Variants in DMBT1 observed in about 807,000 individuals in gnomAD.
The protein encoded by DMBT1 is deleted in malignant brain tumors 1.
A neutral mutation model predicts 252.9 loss-of-function variants in DMBT1; 198 were observed. The observed-to-expected ratio is 0.78, with a 90% confidence interval of 0.70 to 0.88. DMBT1 has a LOEUF of 0.88. Ranked by LOEUF, DMBT1 falls within the 40% of genes least tolerant of loss-of-function variation. The pLI is 0.00. For synonymous variants in DMBT1, 990 were observed against 942.7 expected (o/e 1.05, Z -0.92); for missense variants, 2,432 against 2,404.7 (o/e 1.01, Z -0.24).
At chr10:122,580,787 A>C in intron 10 of DMBT1, 79 bp from the exon 11 acceptor site, 1 of 1,556,032 alleles carries the variant, frequency 6.4e-7, no homozygotes, top group Non-Finnish European at 8.9e-7. Context: ...AGACTCGCTC[A>C]TTTCTTTCCC....
chr10:122,643,357 C>T lies in DMBT1; in HGVS notation c.7588C>T (p.Gln2530Ter), dbSNP rs778550174. Residue 2530 changes from glutamine to a stop codon, truncating the protein, a stop_gained, in exon 56 of 56, where the codon CAG (glutamine) becomes TAG (stop). Coordinates refer to ENST00000338354, the MANE Select transcript of DMBT1 (RefSeq NM_001377530.1). LOFTEE classifies it low-confidence loss of function (END_TRUNC). ...GGTGGACGTCGTCCTGGGTCCCATCCAGCTGCAGACCCCCCCACGCCGAGA... is the reference window on the plus strand; with the variant it reads ...GGTGGACGTCGTCCTGGGTCCCATCTAGCTGCAGACCCCCCCACGCCGAGA... ...EKVDVVLGPI[Q>*]LQTPPRREEE... The T allele has an allele frequency of 2.5e-6, 4 of 1,613,918 alleles. No homozygotes were observed. Among genetic ancestry groups the T allele is most frequent in the Non-Finnish European group, 3.4e-6 (4 of 1,179,876 alleles).
intron 44 of DMBT1, among the ~76,000 whole-genome samples, chr10:122,624,511 G>A (rs1309017707): frequency 6.6e-6 from 1 of 152,174 alleles, no homozygotes; most frequent in Non-Finnish European, 1.5e-5. Flanking sequence ...ACAGGAGAGA[G>A]TTAATTTTCC....
chr10:122,620,601 G>A (rs1340848788), intron 43 of DMBT1, among the ~76,000 whole-genome samples: 1 of 152,222 alleles, frequency 6.6e-6, no homozygotes, highest in African/African-American at 2.4e-5. Context: ...CAGGCCACAG[G>A]CTGCAGACCT....
rs575504614 is a variant in DMBT1, at chr10:122,599,919, G to A, written c.3281-145G>A. 527 of 1,229,490 alleles carry A rather than the reference G, an allele frequency of 4.3e-4. 6 individuals are homozygous for A. The highest frequency in any genetic ancestry group is 4.1e-3 in the South Asian group (320 of 78,084). The allele number at this position is 1,229,490 out of a possible 1,614,324, so 76.2% of individuals were successfully genotyped here. A position where few individuals can be genotyped will look rare whatever the true frequency, so the allele number is the denominator to read the frequency against. ...CCCCTTACATGGTGCATCTCTGTGGGGATGTGCATGGCAATGCCCCTCCCT... is the reference window on the plus strand; with the variant it reads ...CCCCTTACATGGTGCATCTCTGTGGAGATGTGCATGGCAATGCCCCTCCCT... On this transcript the variant is annotated intron_variant, in intron 26 of 55. Transcript: ENST00000338354.
At chr10:122,586,529 G>T in intron 16 of DMBT1, 146 bp downstream of exon 16, 2 of 1,338,798 alleles carry the variant, frequency 1.5e-6, no homozygotes, top group Non-Finnish European at 2.0e-6. Context: ...GAAACCGCAT[G>T]AGTCTTCACC....
At chr10:122,634,447 T>TCTCA (rs2098205197) in intron 52 of DMBT1, among the ~76,000 whole-genome samples, 1 of 74,832 alleles carries the variant, frequency 1.3e-5, no homozygotes, top group Non-Finnish European at 2.3e-5. Flanking sequence ...TCTCTCTCTC[T>TCTCA]CTCTCTCTCT....
chr10:122,566,103 T>C, intron 2 of DMBT1, 107 bp downstream of exon 2: 1 of 1,248,932 alleles, frequency 8.0e-7, no homozygotes, highest in East Asian at 2.4e-5. Flanking sequence ...AGCAAACGCC[T>C]GCCTTGTCGA....
chr10:122,625,346 A>T lies in DMBT1; in HGVS notation c.5635+43A>T, dbSNP rs189054854. On this transcript the variant is annotated intron_variant, in intron 45 of 55. Transcript: ENST00000338354. ...CAGTCCAGCAATATTTCTCTTGGGA[A>T]TTCCACCCTCTCTTGTTTCCAGAAG... is the stretch of plus-strand genomic sequence containing the variant. The T allele has an allele frequency of 5.1e-5, 80 of 1,577,000 alleles. No individual in the cohort carries two copies. In the East Asian group the frequency reaches 9.6e-4, roughly 19 times the overall value.
At position 122,598,990 on chromosome 10, in the gene DMBT1, A is replaced by G; in HGVS notation, c.3173A>G (p.Asp1058Gly). The change falls in exon 26 of 56, where the codon GAT (aspartate) becomes GGT (glycine). Residue 1058 changes from aspartate (D) to glycine (G), a missense_variant. Physicochemically the swap from Asp to Gly is moderately conservative, Grantham distance 94 (BLOSUM62 -1). Around this residue, in one of 3 missense-constraint regions of DMBT1, gnomAD observed 1,264 missense variants for 1,082.2 expected, o/e 1.17. Transcript: ENST00000338354. ...CAGGGCTCAGGACCCATTGTCCTGGATGATGTGCGCTGCTCAGGACACGAG... is the reference window on the plus strand; with the variant it reads ...CAGGGCTCAGGACCCATTGTCCTGGGTGATGTGCGCTGCTCAGGACACGAG... ...FGQGSGPIVL[D>G]DVRCSGHESY... 6.2e-7 allele frequency: 1 copy of G among 1,613,686 alleles called. No individual in the cohort carries two copies. The highest frequency in any genetic ancestry group is 8.5e-7 in the Non-Finnish European group (1 of 1,179,710).
chr10:122,566,943 G>A (rs557045051), intron 2 of DMBT1, among the ~76,000 whole-genome samples: 1 of 152,318 alleles, frequency 6.6e-6, no homozygotes, highest in African/African-American at 2.4e-5. Flanking sequence ...AGAGATTTGA[G>A]GCTAGGATGG....
Position 122,632,898 on chromosome 10 carries a change from C to T in DMBT1, c.6397+8C>T. The T allele has an allele frequency of 6.2e-7, 1 of 1,613,894 alleles. No individual in the cohort carries two copies. Among genetic ancestry groups the T allele is most frequent in the Non-Finnish European group, 8.5e-7 (1 of 1,179,856 alleles). On this transcript the variant is annotated splice_region_variant and intron_variant, in intron 51 of 55. Coordinates refer to ENST00000338354, the MANE Select transcript of DMBT1 (RefSeq NM_001377530.1). Reference sequence around the variant, plus strand: ...ACATCACCCGTCCAAACAGTAAGTTCTGAGCTCCCTGACAAGTCTGTGGCA... The same window carrying T: ...ACATCACCCGTCCAAACAGTAAGTTTTGAGCTCCCTGACAAGTCTGTGGCA...
intron 4 of DMBT1, among the ~76,000 whole-genome samples, chr10:122,571,433 G>A (rs1271849778): frequency 1.3e-5 from 2 of 152,208 alleles, no homozygotes; most frequent in Middle Eastern, 3.4e-3. Context: ...TGGAGGATGG[G>A]GGAACTGCTG....
In DMBT1 at chr10:122,621,096, G is replaced by A; in HGVS notation, c.5324G>A (p.Gly1775Asp). ...SSLALRLVNG[G>D]DRCRGRVEVL... is the part of the protein sequence containing the mutation. ...TTGGCTCTGAGGCTGGTGAATGGAG[G>A]TGACAGGTGTCGAGGCCGAGTGGAG... Residue 1775 changes from glycine to aspartate, a missense_variant, in exon 44 of 56, where the codon GGT becomes GAT. Around this residue, in one of 3 missense-constraint regions of DMBT1, gnomAD observed 1,162 missense variants for 1,169.0 expected, o/e 0.99. Transcript: ENST00000338354. 6.2e-7 allele frequency: 1 copy of A among 1,613,576 alleles called. No homozygotes were observed. Among genetic ancestry groups the A allele is most frequent in the East Asian group, 2.2e-5 (1 of 44,890 alleles).
Position 122,589,045 on chromosome 10 carries a change from G to A in DMBT1, c.1885G>A (p.Asp629Asn). ...YRGSWGTVCD[D>N]SWDTNDANVV... ...AGGCTCTTGGGGCACCGTGTGTGAT[G>A]ACAGCTGGGACACCAATGATGCCAA... The change falls in exon 17 of 56, where the codon GAC (aspartate) becomes AAC (asparagine). Residue 629 changes from aspartate (D) to asparagine (N), a missense_variant. Transcript: ENST00000338354. The A allele has an allele frequency of 6.3e-7, 1 of 1,588,936 alleles. No individual in the cohort carries two copies. Among genetic ancestry groups the A allele is most frequent in the South Asian group, 1.2e-5 (1 of 86,940 alleles).
At chr10:122,593,515 T>C in intron 20 of DMBT1, 54 bp from the exon 21 acceptor site, 1 of 1,564,226 alleles carries the variant, frequency 6.4e-7, no homozygotes, top group Non-Finnish European at 8.7e-7. Flanking sequence ...CGTTCCAGTT[T>C]TGCCGACTTC....
At position 122,632,940 on chromosome 10, in the gene DMBT1, C is replaced by A. The variant is rs530413062; in HGVS notation, c.6397+50C>A. The A allele has an allele frequency of 1.1e-5, 18 of 1,611,144 alleles. No individual in the cohort carries two copies. The East Asian group carries it at 4.0e-4, about 36-fold the overall frequency. On this transcript the variant is annotated intron_variant, in intron 51 of 55. Coordinates refer to ENST00000338354, the MANE Select transcript of DMBT1 (RefSeq NM_001377530.1). ...TCTGTGGCAGAGTGGCCTGGAAATT[C>A]CCCTTCCCATTTCCTCAGTGACAAT...
At position 122,639,973 on chromosome 10, in the gene DMBT1, A is replaced by G. The variant is rs971835447; in HGVS notation, c.6943-67A>G. On this transcript the variant is annotated intron_variant, in intron 54 of 55. Coordinates refer to ENST00000338354, the MANE Select transcript of DMBT1 (RefSeq NM_001377530.1). ...TCACGTCCCTCTCATTCACACCCAA[A>G]TCAGCTATGGGATTCCCTTAGCAGG... The G allele has an allele frequency of 9.7e-6, 15 of 1,547,904 alleles. No individual in the cohort carries two copies. In the African/African-American group the frequency reaches 1.9e-4, roughly 20 times the overall value.
chr10:122,570,125 G>A lies in DMBT1; in HGVS notation c.92-37G>A, dbSNP rs1218704341. On this transcript the variant is annotated intron_variant, in intron 2 of 55. Transcript: ENST00000338354. ...AGGGACCAGCCCTCCCCAAGCAAGG[G>A]CTACCATCAATGAGCTCTTCCTTTT... 9 of 1,566,754 alleles carry A rather than the reference G, an allele frequency of 5.7e-6. No homozygotes were observed. In the African/African-American group the frequency reaches 9.5e-5, roughly 16 times the overall value.
chr10:122,628,350 T>C (rs1234715981), intron 46 of DMBT1, among the ~76,000 whole-genome samples: 3 of 152,192 alleles, frequency 2.0e-5, no homozygotes, highest in African/African-American at 7.2e-5. Context: ...ATGAATTTAA[T>C]AGTGGCCGGG....
Sources: allele counts gnomAD v4.1 joint callset (sites outside exome capture counted in the v4.1 genomes callset), GRCh38; gene constraint gnomAD v4.1.1; regional missense constraint gnomAD v4.1.1; transcripts MANE v1.5; gene names NCBI Gene and HGNC (gene_info 2026-07-23, HGNC 2026-07-21).